The following B3GALT1 variants were observed in gnomAD, a reference collection of about 807,000 sequenced individuals.
The protein encoded by B3GALT1 is beta-1,3-galactosyltransferase 1.
In B3GALT1, 10 loss-of-function variants were observed where a neutral mutation model predicts 23.2. The observed-to-expected ratio is 0.43, with a 90% confidence interval of 0.27 to 0.73. B3GALT1 has a LOEUF of 0.73. Ranked by LOEUF, B3GALT1 falls within the 30% of genes least tolerant of loss-of-function variation. The pLI, the probability that B3GALT1 is intolerant of heterozygous loss-of-function variation, is 0.21. For missense variants in B3GALT1, 299 were observed against 405.4 expected, an observed-to-expected ratio of 0.74 and a Z score of 2.25; for synonymous variants, 156 against 141.5, an observed-to-expected ratio of 1.10 and a Z score of -0.73.
chr2:167,652,673 A>G (rs1259568363), intron 3 of B3GALT1, among the ~76,000 whole-genome samples: 1 of 152,030 alleles, frequency 6.6e-6, no homozygotes, highest in Non-Finnish European at 1.5e-5. Context: ...CCCTTATTAC[A>G]TATTAATATT....
intron 1 of B3GALT1, among the ~76,000 whole-genome samples, chr2:167,294,764 A>G (rs1373388055): frequency 6.6e-6 from 1 of 152,198 alleles, no homozygotes; most frequent in Non-Finnish European, 1.5e-5. Context: ...AATTGGCTCA[A>G]TACAGGGAGG....
chr2:167,312,313 AAAAC>A (rs1696643738), intron 1 of B3GALT1, among the ~76,000 whole-genome samples: 1 of 152,048 alleles, frequency 6.6e-6, no homozygotes, highest in Non-Finnish European at 1.5e-5. Context: ...GAGAGAATAA[AAAAC>A]AAAAATAATA....
At chr2:167,362,160 A>C (rs1336632433) in intron 1 of B3GALT1, among the ~76,000 whole-genome samples, 1 of 152,114 alleles carries the variant, frequency 6.6e-6, no homozygotes, top group African/African-American at 2.4e-5. Context: ...TATGTATTCT[A>C]CATTTCAAAG....
At chr2:167,667,161 C>T (rs547613767) in intron 3 of B3GALT1, among the ~76,000 whole-genome samples, 2 of 152,002 alleles carry the variant, frequency 1.3e-5, no homozygotes, top group Admixed American at 1.3e-4. Context: ...GACAAAATCT[C>T]TCAGCATTTG....
chr2:167,517,573 A>G (rs1200924238), intron 2 of B3GALT1, among the ~76,000 whole-genome samples: 2 of 151,864 alleles, frequency 1.3e-5, no homozygotes, highest in African/African-American at 2.4e-5. Context: ...TTTTTCATTG[A>G]TTACCATTAG....
At chr2:167,523,032 T>C (rs1464137155) in intron 2 of B3GALT1, among the ~76,000 whole-genome samples, 2 of 152,144 alleles carry the variant, frequency 1.3e-5, no homozygotes, top group Non-Finnish European at 2.9e-5. Context: ...GTGATCTCCC[T>C]CTCTTTAGAT....
intron 2 of B3GALT1, among the ~76,000 whole-genome samples, chr2:167,574,505 A>G (rs1481418210): frequency 6.6e-6 from 1 of 151,762 alleles, no homozygotes; most frequent in African/African-American, 2.4e-5. Flanking sequence ...TGGTAATTGT[A>G]CATTAACATG....
At chr2:167,400,730 A>T (rs1346101384) in intron 1 of B3GALT1, among the ~76,000 whole-genome samples, 1 of 152,036 alleles carries the variant, frequency 6.6e-6, no homozygotes, top group African/African-American at 2.4e-5. Flanking sequence ...TGGAGGGAAA[A>T]CCTGTGTGAC....
chr2:167,430,561 G>C (rs1223380765), intron 1 of B3GALT1, among the ~76,000 whole-genome samples: 2 of 152,124 alleles, frequency 1.3e-5, no homozygotes, highest in Non-Finnish European at 2.9e-5. Flanking sequence ...GTGAAAGATA[G>C]TCAGCATCTG....
At chr2:167,410,274 T>G (rs1166092683) in intron 1 of B3GALT1, among the ~76,000 whole-genome samples, 9 of 151,726 alleles carry the variant, frequency 5.9e-5, no homozygotes, top group Admixed American at 5.9e-4. Context: ...GAGGCCGAGG[T>G]GAGTGGATCA....
chr2:167,303,680 CACAG>C (rs1264865587), intron 1 of B3GALT1, among the ~76,000 whole-genome samples: 2 of 106,784 alleles, frequency 1.9e-5, no homozygotes, highest in African/African-American at 5.7e-5. Context: ...CACACACACA[CACAG>C]AGAGAGACCT....
intron 2 of B3GALT1, among the ~76,000 whole-genome samples, chr2:167,584,317 C>T (rs1684546581): frequency 6.6e-6 from 1 of 152,130 alleles, no homozygotes; most frequent in Non-Finnish European, 1.5e-5. Flanking sequence ...CCCTTTATCC[C>T]CTTGAAGCAT....
At chr2:167,574,342 T>A (rs1684347925) in intron 2 of B3GALT1, among the ~76,000 whole-genome samples, 1 of 151,672 alleles carries the variant, frequency 6.6e-6, no homozygotes, top group African/African-American at 2.4e-5. Flanking sequence ...TAAATCTACA[T>A]CCAATTCCCT....
chr2:167,300,835 G>A (rs955036470), intron 1 of B3GALT1, among the ~76,000 whole-genome samples: 4 of 152,058 alleles, frequency 2.6e-5, no homozygotes, highest in African/African-American at 9.7e-5. Flanking sequence ...GAAACATAAT[G>A]GGGAAAAGAT....
chr2:167,301,920 T>C (rs1195525916), intron 1 of B3GALT1, among the ~76,000 whole-genome samples: 3 of 152,094 alleles, frequency 2.0e-5, no homozygotes, highest in Non-Finnish European at 4.4e-5. Flanking sequence ...GTCTCCTCAA[T>C]AGGTAAAAAC....
chr2:167,730,802 T>C (rs928300510), intron 3 of B3GALT1, among the ~76,000 whole-genome samples: 1 of 152,230 alleles, frequency 6.6e-6, no homozygotes, highest in African/African-American at 2.4e-5. Context: ...TATTTTCTTA[T>C]GTCTCTGCCA....
chr2:167,686,668 T>C (rs1020331829), intron 3 of B3GALT1, among the ~76,000 whole-genome samples: 2 of 152,238 alleles, frequency 1.3e-5, no homozygotes, highest in Admixed American at 6.5e-5. Flanking sequence ...AAGCTCACAG[T>C]CACTGTATTA....
chr2:167,857,795 C>G (rs1264036176), intron 4 of B3GALT1, among the ~76,000 whole-genome samples: 6 of 152,100 alleles, frequency 3.9e-5, no homozygotes, highest in Non-Finnish European at 8.8e-5. Context: ...GTCATTGTCA[C>G]CCAGGCATTC....
intron 4 of B3GALT1, among the ~76,000 whole-genome samples, chr2:167,836,896 T>G (rs1045984728): frequency 6.6e-6 from 1 of 152,052 alleles, no homozygotes; most frequent in Non-Finnish European, 1.5e-5. Context: ...GAAAAGAATT[T>G]TCAACCCAGA....
Sources: allele counts gnomAD v4.1 joint callset (sites outside exome capture counted in the v4.1 genomes callset), GRCh38; gene constraint gnomAD v4.1.1; transcripts MANE v1.5; gene names NCBI Gene and HGNC (gene_info 2026-07-23, HGNC 2026-07-21).